The following SLC25A37 variants were observed in gnomAD, a reference collection of about 807,000 sequenced individuals.
The protein encoded by SLC25A37 is solute carrier family 25 member 37, also known as mitoferrin-1.
In SLC25A37, 17 loss-of-function variants were observed where a neutral mutation model predicts 31.0. That is an observed-to-expected ratio of 0.55 (90% confidence interval 0.38 to 0.82). The LOEUF is 0.82. Ranked by LOEUF, SLC25A37 falls within the 40% of genes least tolerant of loss-of-function variation. The pLI is 0.00. For missense variants in SLC25A37, 404 were observed against 465.8 expected, an observed-to-expected ratio of 0.87 and a Z score of 1.22; for synonymous variants, 222 against 193.0, an observed-to-expected ratio of 1.15 and a Z score of -1.24.
Position 23,549,105 on chromosome 8 carries a change from C to G in SLC25A37, c.211-17003C>G, listed in dbSNP as rs188437637. ...ATCGATAGGATTTTTAGTACTCTCTCTCTCCTCTACTAGACTATAAACTCC... is the reference window on the plus strand; with the variant it reads ...ATCGATAGGATTTTTAGTACTCTCTGTCTCCTCTACTAGACTATAAACTCC... On this transcript the variant is annotated intron_variant, in intron 1 of 3. Coordinates refer to ENST00000519973, the MANE Select transcript of SLC25A37 (RefSeq NM_016612.4). Among the ~76,000 whole-genome samples, 44 of 152,320 alleles carry G rather than the reference C, an allele frequency of 2.9e-4. 1 individual carries two copies. In the South Asian group the frequency reaches 2.9e-3, roughly 10 times the overall value.
chr8:23,548,628 A>G (rs1434363579), intron 1 of SLC25A37, among the ~76,000 whole-genome samples: 1 of 150,306 alleles, frequency 6.7e-6, no homozygotes, highest in Non-Finnish European at 1.5e-5. Flanking sequence ...ACACCACCAC[A>G]CCCGGCTGAT....
chr8:23,544,799 A>G (rs1278558060), intron 1 of SLC25A37, among the ~76,000 whole-genome samples: 1 of 152,100 alleles, frequency 6.6e-6, no homozygotes, highest in Non-Finnish European at 1.5e-5. Context: ...CTGAGCTGAG[A>G]AAGTGTCTGT....
At position 23,529,296 on chromosome 8, in the gene SLC25A37, G is replaced by T; in HGVS notation, c.210+84G>T. 3 of 1,371,874 alleles carry T rather than the reference G, an allele frequency of 2.2e-6. No homozygotes were observed. The highest frequency in any genetic ancestry group is 2.9e-6 in the Non-Finnish European group (3 of 1,021,216). The allele number at this position is 1,371,874 out of a possible 1,614,324, so 85.0% of individuals were successfully genotyped here. A position where few individuals can be genotyped will look rare whatever the true frequency, so the allele number is the denominator to read the frequency against. ...TTGCATCCCGCGCGCCGGCAGCCTC[G>T]GGGCAGCGTCCCGAAACCGAGCTCT... On this transcript the variant is annotated intron_variant, in intron 1 of 3. Transcript: ENST00000519973. The surrounding 1 kb of genome is among the most constrained non-coding windows in gnomAD (Gnocchi z 4.1).
At position 23,529,727 on chromosome 8, in the gene SLC25A37, A is replaced by T. The variant is rs747288897; in HGVS notation, c.210+515A>T. On this transcript the variant is annotated intron_variant, in intron 1 of 3. Transcript: ENST00000519973. The surrounding 1 kb of genome is among the most constrained non-coding windows in gnomAD (Gnocchi z 4.1). ...GTGTGTGGCTGCTGCTCCCCGGGTTATTTCGGGAACTTGGGGCCGGCAAGT... is the reference window on the plus strand; with the variant it reads ...GTGTGTGGCTGCTGCTCCCCGGGTTTTTTCGGGAACTTGGGGCCGGCAAGT... 6.2e-4 allele frequency among the ~76,000 whole-genome samples: 94 copies of T among 152,066 alleles called. No individual in the cohort carries two copies. The highest frequency in any genetic ancestry group is 1.3e-3 in the Non-Finnish European group (85 of 67,976).
intron 1 of SLC25A37, among the ~76,000 whole-genome samples, chr8:23,551,162 C>A (rs1802215264): frequency 6.6e-6 from 1 of 152,232 alleles, no homozygotes; most frequent in African/African-American, 2.4e-5. Context: ...TCCCAGAGCA[C>A]TTTTGTCTGG....
At chr8:23,566,540 C>T (rs1802665608) in intron 2 of SLC25A37, 7 of 1,327,700 alleles carry the variant, frequency 5.3e-6, no homozygotes, top group Middle Eastern at 2.7e-4. Context: ...TTCTGTTCCC[C>T]TCCGCTTTCT....
intron 3 of SLC25A37, among the ~76,000 whole-genome samples, chr8:23,570,742 A>G (rs1802802732): frequency 6.6e-6 from 1 of 152,212 alleles, no homozygotes; most frequent in Non-Finnish European, 1.5e-5. Flanking sequence ...CCTGAGCCTA[A>G]GGTACCACAG....
intron 1 of SLC25A37, among the ~76,000 whole-genome samples, chr8:23,547,851 G>A (rs1351683002): frequency 3.9e-5 from 6 of 152,200 alleles, no homozygotes; most frequent in African/African-American, 2.4e-5. Context: ...CCACAGCCCC[G>A]CCCTGGAATC....
intron 1 of SLC25A37, among the ~76,000 whole-genome samples, chr8:23,545,392 G>T (rs1802008167): frequency 6.6e-6 from 1 of 152,242 alleles, no homozygotes; most frequent in Non-Finnish European, 1.5e-5. Context: ...GCTTGGTAAA[G>T]GGCCTGAGAT....
intron 1 of SLC25A37, among the ~76,000 whole-genome samples, chr8:23,546,902 A>C (rs1231923065): frequency 2.0e-5 from 3 of 151,940 alleles, no homozygotes; most frequent in African/African-American, 7.3e-5. Context: ...TGCAGTGCGT[A>C]TTAGTACAAT....
chr8:23,573,887 C>T lies in SLC25A37; in HGVS notation c.*2032C>T. 2 of 456,532 alleles carry T rather than the reference C, an allele frequency of 4.4e-6. No homozygotes were observed. The highest frequency in any genetic ancestry group is 8.8e-6 in the Non-Finnish European group (2 of 226,832). 28.3% of individuals were successfully genotyped at this position (456,532 alleles called of 1,614,324 possible). A position where few individuals can be genotyped will look rare whatever the true frequency, so the allele number is the denominator to read the frequency against. On this transcript the variant is annotated 3_prime_UTR_variant, in exon 4 of 4. Coordinates refer to ENST00000519973, the MANE Select transcript of SLC25A37 (RefSeq NM_016612.4). The stretch of plus-strand genomic sequence containing the variant: ...ATGGGGATGTAGAAAGCCGTAAAGT[C>T]CACGCTACTGTTGAAAATGTTTACA...
chr8:23,571,540 G>A lies in SLC25A37; in HGVS notation c.702G>A (p.Pro234=), dbSNP rs368174643. 1.6e-5 allele frequency: 26 copies of A among 1,613,860 alleles called. No homozygotes were observed. The African/African-American group carries it at 2.3e-4, about 14-fold the overall frequency. The change falls in exon 4 of 4, where the codon CCG becomes CCA. Residue 234 remains proline (P), a synonymous_variant. Transcript: ENST00000519973. ...TCAACCCCCACCGGACCTACAACCC[G>A]CAGTCCCACATCATCTCAGGCGGGC... ...EQVNPHRTYN[P]QSHIISGGLA... is the part of the protein sequence containing the mutation.
intron 1 of SLC25A37, among the ~76,000 whole-genome samples, chr8:23,561,538 A>G (rs1001909657): frequency 3.3e-5 from 5 of 152,224 alleles, no homozygotes; most frequent in African/African-American, 1.2e-4. Flanking sequence ...GCCATGCCCT[A>G]AGGTTAAGGA....
chr8:23,535,833 G>A (rs1157892768), intron 1 of SLC25A37, among the ~76,000 whole-genome samples: 2 of 152,088 alleles, frequency 1.3e-5, no homozygotes, highest in African/African-American at 2.4e-5. Flanking sequence ...ATCAGATCTC[G>A]TGAGACTTAT....
At chr8:23,550,624 C>G (rs1018855539) in intron 1 of SLC25A37, among the ~76,000 whole-genome samples, 1 of 152,222 alleles carries the variant, frequency 6.6e-6, no homozygotes, top group African/African-American at 2.4e-5. Flanking sequence ...GTGTGGACAG[C>G]TTACGCGCAG....
intron 1 of SLC25A37, among the ~76,000 whole-genome samples, chr8:23,542,441 C>G (rs1222692141): frequency 7.4e-6 from 1 of 135,716 alleles, no homozygotes; most frequent in Non-Finnish European, 1.5e-5. Context: ...CGAAGTGGCG[C>G]GATCTCGGCT....
chr8:23,530,308 C>G (rs1801638598), intron 1 of SLC25A37, among the ~76,000 whole-genome samples: 2 of 152,184 alleles, frequency 1.3e-5, no homozygotes, highest in Non-Finnish European at 2.9e-5. Context: ...GGAGGCCTCT[C>G]TAGGTGGCAA....
At chr8:23,561,290 A>C (rs540894233) in intron 1 of SLC25A37, among the ~76,000 whole-genome samples, 9 of 151,994 alleles carry the variant, frequency 5.9e-5, no homozygotes, top group Non-Finnish European at 1.0e-4. Context: ...TGTTTCCTCC[A>C]ACTGCTCTAC....
chr8:23,568,588 G>A lies in SLC25A37; in HGVS notation c.496+210G>A. Reference sequence around the variant, plus strand: ...AGTTTTTGGTATTCCTGTGCTCGGAGCTACTCAAAGTGTGTTCTACAGACC... The same window carrying A: ...AGTTTTTGGTATTCCTGTGCTCGGAACTACTCAAAGTGTGTTCTACAGACC... On this transcript the variant is annotated intron_variant, in intron 3 of 3. Transcript: ENST00000519973. 1.0e-5 allele frequency: 6 copies of A among 585,708 alleles called. No homozygotes were observed. In the South Asian group the frequency reaches 1.2e-4, roughly 11 times the overall value. The allele number at this position is 585,708 out of a possible 1,614,324, so 36.3% of individuals were successfully genotyped here.
Sources: gnomAD v4.1 joint callset for allele counts (sites outside exome capture counted in the v4.1 genomes callset) on GRCh38, gnomAD v4.1.1 for gene constraint, Gnocchi (gnomAD v3.1) non-coding constraint, MANE v1.5 for transcripts, NCBI Gene and HGNC (gene_info 2026-07-23, HGNC 2026-07-21) for gene names.